The following NTRK2 variants were observed in gnomAD, a reference collection of about 807,000 sequenced individuals.
The protein encoded by NTRK2 is neurotrophic receptor tyrosine kinase 2.
Under a neutral mutation model 94.5 loss-of-function variants are expected in NTRK2, and 13 were observed. That is an observed-to-expected ratio of 0.14 (90% CI 0.09 to 0.22). NTRK2 has a LOEUF of 0.22. Among genes scored for constraint, NTRK2 ranks in the 10% least tolerant of loss-of-function variants. The pLI, the probability that NTRK2 is intolerant of heterozygous loss-of-function variation, is 1.00. For missense variants in NTRK2, 639 were observed against 1,071.2 expected (o/e 0.60, Z 5.63); for synonymous variants, 372 against 407.4 (o/e 0.91, Z 1.05).
At chr9:84,931,181 T>G (rs1427526106) in intron 14 of NTRK2, among the ~76,000 whole-genome samples, 2 of 151,822 alleles carry the variant, frequency 1.3e-5, no homozygotes, top group Non-Finnish European at 2.9e-5. Flanking sequence ...CCAAGGTGGG[T>G]GGATCACGAG....
At chr9:84,726,200 C>A (rs2062439300) in intron 8 of NTRK2, among the ~76,000 whole-genome samples, 1 of 152,160 alleles carries the variant, frequency 6.6e-6, no homozygotes, top group Admixed American at 6.5e-5. Context: ...ATAATATTAA[C>A]AACTGGCTGG....
Position 84,738,048 on chromosome 9 carries a change from G to A in NTRK2, c.1160-3844G>A, listed in dbSNP as rs145108582. 9.4e-4 allele frequency among the ~76,000 whole-genome samples: 142 copies of A among 151,404 alleles called. 1 individual carries two copies. The East Asian group carries it at 0.024, about 25-fold the overall frequency. ...AGCTTACATCCCAGTGAGCTGTGGG[G>A]ATCATAGACAGTCTGCTGCTTGTTT... On this transcript the variant is annotated intron_variant, in intron 9 of 18. Coordinates refer to ENST00000277120, the MANE Select transcript of NTRK2 (RefSeq NM_006180.6).
At chr9:84,697,757 T>A (rs761681957) in intron 2 of NTRK2, among the ~76,000 whole-genome samples, 2 of 152,182 alleles carry the variant, frequency 1.3e-5, no homozygotes, top group Non-Finnish European at 2.9e-5. Context: ...GCGGAGGCTG[T>A]GGAGCAGGGA....
At chr9:84,868,902 A>G (rs552370362) in intron 14 of NTRK2, among the ~76,000 whole-genome samples, 3 of 152,294 alleles carry the variant, frequency 2.0e-5, no homozygotes, top group Admixed American at 6.5e-5. Flanking sequence ...ATGCATTTCA[A>G]TTAGCCTGAG....
intron 17 of NTRK2, among the ~76,000 whole-genome samples, chr9:85,010,279 A>T (rs1325480169): frequency 6.6e-6 from 1 of 152,208 alleles, no homozygotes; most frequent in Non-Finnish European, 1.5e-5. Flanking sequence ...TAATGCCATC[A>T]TCATAACACA....
intron 12 of NTRK2, among the ~76,000 whole-genome samples, chr9:84,838,459 T>G (rs1314044735): frequency 7.0e-6 from 1 of 143,566 alleles, no homozygotes; most frequent in Non-Finnish European, 1.6e-5. Context: ...ATTTTCAGTG[T>G]ATATTGTATA....
At chr9:84,883,641 C>T (rs977028845) in intron 14 of NTRK2, among the ~76,000 whole-genome samples, 3 of 152,184 alleles carry the variant, frequency 2.0e-5, no homozygotes, top group Non-Finnish European at 2.9e-5. Context: ...CACCAAATAG[C>T]GGATGAGAAG....
intron 12 of NTRK2, among the ~76,000 whole-genome samples, chr9:84,805,514 G>A (rs2071008127): frequency 6.6e-6 from 1 of 152,150 alleles, no homozygotes. Flanking sequence ...ATTTCGTACT[G>A]GAAGCTTTGG....
chr9:85,025,251 T>C lies in NTRK2; in HGVS notation c.*3814T>C, dbSNP rs1832979280. On this transcript the variant is annotated 3_prime_UTR_variant, in exon 19 of 19. Transcript: ENST00000277120. Reference sequence around the variant, plus strand: ...TTCTCTGGCTCCTTGCAAAGAAAGATACTTTTTGTAATGGTCCAGGAAAGG... The same window carrying C: ...TTCTCTGGCTCCTTGCAAAGAAAGACACTTTTTGTAATGGTCCAGGAAAGG... 4.3e-6 allele frequency: 1 copy of C among 233,136 alleles called. No individual in the cohort carries two copies. The highest frequency in any genetic ancestry group is 1.8e-4 in the South Asian group (1 of 5,528). 14.4% of individuals were successfully genotyped at this position (233,136 alleles called of 1,614,324 possible). A position where few individuals can be genotyped will look rare whatever the true frequency, so the allele number is the denominator to read the frequency against.
intron 12 of NTRK2, among the ~76,000 whole-genome samples, chr9:84,825,848 C>T (rs1408004940): frequency 1.3e-5 from 2 of 152,184 alleles, no homozygotes; most frequent in Non-Finnish European, 2.9e-5. Context: ...CATGCCACTC[C>T]TGTCAAAGGT....
At chr9:84,686,269 A>G (rs2059706959) in intron 2 of NTRK2, among the ~76,000 whole-genome samples, 1 of 152,240 alleles carries the variant, frequency 6.6e-6, no homozygotes, top group African/African-American at 2.4e-5. Flanking sequence ...CAGGCTGATT[A>G]CATATCCAAC....
chr9:84,937,508 G>C (rs1030034038), intron 15 of NTRK2, among the ~76,000 whole-genome samples: 4 of 152,132 alleles, frequency 2.6e-5, no homozygotes, highest in African/African-American at 9.7e-5. Flanking sequence ...TGATCCTAAG[G>C]CATGTGCACA....
chr9:84,952,737 G>T (rs1278773581), intron 16 of NTRK2, among the ~76,000 whole-genome samples: 1 of 152,154 alleles, frequency 6.6e-6, no homozygotes, highest in Non-Finnish European at 1.5e-5. Flanking sequence ...TAAAAATCCA[G>T]GAGTCTCCCC....
At position 84,745,062 on chromosome 9, in the gene NTRK2, G is replaced by A. The variant is rs1237850077; in HGVS notation, c.1285G>A (p.Glu429Lys). The A allele has an allele frequency of 1.2e-6, 2 of 1,613,196 alleles. No individual in the cohort carries two copies. Among genetic ancestry groups the A allele is most frequent in the African/African-American group, 1.3e-5 (1 of 74,892 alleles). The change falls in exon 11 of 19, where the codon GAA becomes AAA. Residue 429 changes from glutamate (E) to lysine (K), a missense_variant. Transcript: ENST00000277120. ...AGACGTCACTGATAAAACCGGTCGG[G>A]AACATCTCTCGGTGAGTGGAATAAA... ...STDVTDKTGR[E>K]HLSVYAVVVI...
intron 9 of NTRK2, among the ~76,000 whole-genome samples, chr9:84,736,549 T>C (rs1358773636): frequency 6.6e-6 from 1 of 152,202 alleles, no homozygotes; most frequent in Non-Finnish European, 1.5e-5. Flanking sequence ...GTTCCTTTGG[T>C]CTTTTGTCAG....
At chr9:84,903,417 C>T (rs964515387) in intron 14 of NTRK2, among the ~76,000 whole-genome samples, 1 of 152,192 alleles carries the variant, frequency 6.6e-6, no homozygotes, top group Non-Finnish European at 1.5e-5. Flanking sequence ...TTTGGAGATA[C>T]TTAACAGCTA....
intron 12 of NTRK2, among the ~76,000 whole-genome samples, chr9:84,758,982 A>G (rs2065310651): frequency 6.6e-6 from 1 of 152,100 alleles, no homozygotes; most frequent in Non-Finnish European, 1.5e-5. Flanking sequence ...TTTCACAGAA[A>G]CCCTTTGTTA....
chr9:84,706,182 C>G (rs2061046992), intron 4 of NTRK2, among the ~76,000 whole-genome samples: 1 of 152,050 alleles, frequency 6.6e-6, no homozygotes, highest in Non-Finnish European at 1.5e-5. Flanking sequence ...TGGGTGAGCA[C>G]TTTATACTCA....
chr9:84,793,537 C>T (rs777459848), intron 12 of NTRK2, among the ~76,000 whole-genome samples: 1 of 152,210 alleles, frequency 6.6e-6, no homozygotes, highest in Non-Finnish European at 1.5e-5. Context: ...ACCTCACTGC[C>T]TCAGCCACCT....
Sources: allele counts gnomAD v4.1 joint callset (sites outside exome capture counted in the v4.1 genomes callset), GRCh38; gene constraint gnomAD v4.1.1; transcripts MANE v1.5; gene names NCBI Gene and HGNC (gene_info 2026-07-23, HGNC 2026-07-21).